Variants in GDPGP1 observed in about 807,000 individuals in gnomAD.
GDPGP1 encodes the protein GDP-D-glucose phosphorylase 1.
In GDPGP1, 18 loss-of-function variants were observed where a neutral mutation model predicts 19.2. The observed-to-expected ratio is 0.94, with a 90% CI of 0.65 to 1.39. The LOEUF is 1.39. Among genes scored for constraint, GDPGP1 ranks in the 40% most tolerant of loss-of-function variants. The pLI, the probability that GDPGP1 is intolerant of heterozygous loss-of-function variation, is 0.00. For missense variants in GDPGP1, 449 were observed against 490.5 expected, an observed-to-expected ratio of 0.92 and a Z score of 0.80; for synonymous variants, 219 against 208.9, an observed-to-expected ratio of 1.05 and a Z score of -0.42.
chr15:90,238,142 A>C (rs1200026701), intron 2 of GDPGP1, among the ~76,000 whole-genome samples: 1 of 152,190 alleles, frequency 6.6e-6, no homozygotes, highest in Non-Finnish European at 1.5e-5. Flanking sequence ...TTTCCTAAAA[A>C]TACAAACATT....
chr15:90,240,369 C>T (rs1855514346), intron 3 of GDPGP1, among the ~76,000 whole-genome samples: 1 of 140,176 alleles, frequency 7.1e-6, no homozygotes, highest in African/African-American at 2.7e-5. Context: ...TTAGCCGGGC[C>T]TGGTGGCGGG....
rs770404210 is a variant in GDPGP1 at position 90,241,625 on chromosome 15, C to G, written c.717C>G (p.Asp239Glu). 1.9e-6 allele frequency: 3 copies of G among 1,614,148 alleles called. No homozygotes were observed. Among genetic ancestry groups the G allele is most frequent in the Non-Finnish European group, 1.7e-6 (2 of 1,180,038 alleles). ...AGCAGGCGCCAAGCGAGCCCCTGGA[C>G]CCTGGAGGCCATTTGCATCTGCTCC... ...PVEQAPSEPLDPGGHLHLLQD... is the reference protein window; with the variant it reads ...PVEQAPSEPLEPGGHLHLLQD... Residue 239 changes from aspartate to glutamate, a missense_variant, in exon 4 of 4, where the codon GAC (aspartate) becomes GAG (glutamate). Physicochemically the swap from Asp to Glu is conservative, Grantham distance 45. Coordinates refer to ENST00000329600, the MANE Select transcript of GDPGP1 (RefSeq NM_001013657.3).
At chr15:90,238,246 G>A (rs561851932) in intron 2 of GDPGP1, among the ~76,000 whole-genome samples, 1 of 152,336 alleles carries the variant, frequency 6.6e-6, no homozygotes, top group African/African-American at 2.4e-5. Flanking sequence ...GTTGCAGTGA[G>A]CCAAGATCGT....
Position 90,241,871 on chromosome 15 carries a change from G to T in GDPGP1, c.963G>T (p.Gly321=). ...VILWARKSSF[G]IKDGEAFNVA... ...TGTGGGCCCGGAAGTCCAGCTTTGG[G>T]ATAAAGGACGGTGAAGCTTTCAATG... Residue 321 remains glycine, a synonymous_variant, in exon 4 of 4, where the codon GGG becomes GGT. Transcript: ENST00000329600. The T allele has an allele frequency of 1.9e-6, 3 of 1,614,164 alleles. No individual in the cohort carries two copies. The highest frequency in any genetic ancestry group is 2.5e-6 in the Non-Finnish European group (3 of 1,180,026).
Position 90,241,668 on chromosome 15 carries a change from G to A in GDPGP1, c.760G>A (p.Gly254Ser). ...TCTGCTCCAGGACCTCCCAGCTCCT[G>A]GCTTCCTCTTTTACACTCGTGGGCC... ...LHLLQDLPAPGFLFYTRGPGP... is the reference protein window; with the variant it reads ...LHLLQDLPAPSFLFYTRGPGP... The change falls in exon 4 of 4, where the codon GGC becomes AGC. Residue 254 changes from glycine (G) to serine (S), a missense_variant. Physicochemically the swap from Gly to Ser is moderately conservative, Grantham distance 56. Coordinates refer to ENST00000329600, the MANE Select transcript of GDPGP1 (RefSeq NM_001013657.3). 2 of 1,614,212 alleles carry A rather than the reference G, an allele frequency of 1.2e-6. No individual in the cohort carries two copies. The highest frequency in any genetic ancestry group is 1.3e-5 in the African/African-American group (1 of 75,052).
chr15:90,241,235 G>A lies in GDPGP1; in HGVS notation c.327G>A (p.Pro109=), dbSNP rs760624201. 2.5e-5 allele frequency: 40 copies of A among 1,613,992 alleles called. No individual in the cohort carries two copies. Among genetic ancestry groups the A allele is most frequent in the East Asian group, 2.5e-4 (11 of 44,892 alleles). Residue 109 remains proline, a synonymous_variant, in exon 4 of 4, where the codon CCG becomes CCA. Coordinates refer to ENST00000329600, the MANE Select transcript of GDPGP1 (RefSeq NM_001013657.3). The stretch of plus-strand genomic sequence containing the variant: ...AGCGTGGTGTGCAGAGGAGGCCCCC[G>A]CAGACCATCAAGAGTGTGAGGCAGG... ...NVERGVQRRP[P]QTIKSVRQAF...
chr15:90,241,556 C>T lies in GDPGP1; in HGVS notation c.648C>T (p.His216=), dbSNP rs760049795. The T allele has an allele frequency of 1.9e-6, 3 of 1,613,276 alleles. No homozygotes were observed. The highest frequency in any genetic ancestry group is 1.1e-5 in the South Asian group (1 of 91,088). ...NSLGGLASVN[H]LHLHGYYLAH... is the part of the protein sequence containing the mutation. Reference sequence around the variant, plus strand: ...TGGGAGGCTTGGCCTCGGTGAACCACCTCCACCTGCATGGCTATTACCTGG... The same window carrying T: ...TGGGAGGCTTGGCCTCGGTGAACCATCTCCACCTGCATGGCTATTACCTGG... The change falls in exon 4 of 4, where the codon CAC becomes CAT. Residue 216 remains histidine, a synonymous_variant. Transcript: ENST00000329600.
rs1596177085 is a variant in GDPGP1 at position 90,238,504 on chromosome 15, C to G, written c.-54C>G. The G allele has an allele frequency of 6.6e-6, 1 of 152,140 alleles. No individual in the cohort carries two copies. The highest frequency in any genetic ancestry group is 1.9e-4 in the East Asian group (1 of 5,194). 9.4% of individuals were successfully genotyped at this position (152,140 alleles called of 1,614,324 possible). A position where few individuals can be genotyped will look rare whatever the true frequency, so the allele number is the denominator to read the frequency against. On this transcript the variant is annotated 5_prime_UTR_variant, in exon 3 of 4. Transcript: ENST00000329600. ...TATTAACATGAAGTTTCTGGAGCAG[C>G]AGAGCTGAAGGAACCCAAACTTGGA... is the stretch of plus-strand genomic sequence containing the variant.
Position 90,243,298 on chromosome 15 carries a change from T to C in GDPGP1, c.*1232T>C, listed in dbSNP as rs1454916563. Reference sequence around the variant, plus strand: ...CTTTCCTCTAGCCCCCAACACCAAGTTGAATGCTCTTCACTGACATCATCT... The same window carrying C: ...CTTTCCTCTAGCCCCCAACACCAAGCTGAATGCTCTTCACTGACATCATCT... On this transcript the variant is annotated 3_prime_UTR_variant, in exon 4 of 4. Coordinates refer to ENST00000329600, the MANE Select transcript of GDPGP1 (RefSeq NM_001013657.3). 1 of 152,254 alleles carries C rather than the reference T, an allele frequency of 6.6e-6. No individual in the cohort carries two copies. 9.4% of individuals were successfully genotyped at this position (152,254 alleles called of 1,614,324 possible).
Position 90,242,069 on chromosome 15 carries a change from C to A in GDPGP1, c.*3C>A. 1 of 1,589,212 alleles carries A rather than the reference C, an allele frequency of 6.3e-7. No homozygotes were observed. The highest frequency in any genetic ancestry group is 8.6e-7 in the Non-Finnish European group (1 of 1,167,438). ...TGATGTCCCAGGAAGAGCAATAATA[C>A]TTCTGGATGTATTTATGTTCTTTTT... On this transcript the variant is annotated 3_prime_UTR_variant, in exon 4 of 4. Transcript: ENST00000329600.
At chr15:90,239,608 A>T (rs1298425098) in intron 3 of GDPGP1, among the ~76,000 whole-genome samples, 1 of 152,176 alleles carries the variant, frequency 6.6e-6, no homozygotes, top group Non-Finnish European at 1.5e-5. Context: ...GACCGCCCCC[A>T]TGATTCATTT....
At chr15:90,235,908 A>G (rs1027587143) in intron 2 of GDPGP1, among the ~76,000 whole-genome samples, 2 of 151,436 alleles carry the variant, frequency 1.3e-5, no homozygotes, top group Non-Finnish European at 3.0e-5. Context: ...CTGTCCGAGA[A>G]AGAGTTAGTC....
rs1165126553 is a variant in GDPGP1 at position 90,243,345 on chromosome 15, C to G, written c.*1279C>G. The G allele has an allele frequency of 6.6e-6, 1 of 151,724 alleles. No homozygotes were observed. The highest frequency in any genetic ancestry group is 2.4e-5 in the African/African-American group (1 of 41,048). The allele number at this position is 151,724 out of a possible 1,614,324, so 9.4% of individuals were successfully genotyped here. ...ATCTGATGTAAAAACACAGTGTTGT[C>G]ACAACTTTCCGGGTGCACGTCTTTT... On this transcript the variant is annotated 3_prime_UTR_variant, in exon 4 of 4. Coordinates refer to ENST00000329600, the MANE Select transcript of GDPGP1 (RefSeq NM_001013657.3).
intron 3 of GDPGP1, among the ~76,000 whole-genome samples, 174 bp from the exon 4 acceptor site, chr15:90,240,726 C>T (rs148329523): frequency 4.1e-4 from 61 of 150,234 alleles, no homozygotes; most frequent in African/African-American, 1.4e-3. Context: ...GGCGGGAGAA[C>T]CGCTTGAACC....
intron 3 of GDPGP1, 53 bp from the exon 4 acceptor site, chr15:90,240,847 A>T (rs748487305): frequency 9.2e-7 from 1 of 1,086,692 alleles, no homozygotes; most frequent in East Asian, 2.4e-5. Context: ...TACAATGACA[A>T]TCTCTGGAGG....
Position 90,245,671 on chromosome 15 carries a change from TG to T in GDPGP1, c.*3606del, listed in dbSNP as rs1962847552. The stretch of plus-strand genomic sequence containing the variant: ...ATGACCATTACAGCAAAGTGGATTT[TG>T]CGTTCAAAGTGATAAGCCAAATATC... On this transcript the variant is annotated 3_prime_UTR_variant, in exon 4 of 4. Transcript: ENST00000329600. The T allele has an allele frequency of 6.6e-6, 1 of 152,138 alleles. No individual in the cohort carries two copies. Among genetic ancestry groups the T allele is most frequent in the Non-Finnish European group, 1.5e-5 (1 of 68,038 alleles). The allele number at this position is 152,138 out of a possible 1,614,324, so 9.4% of individuals were successfully genotyped here. A position where few individuals can be genotyped will look rare whatever the true frequency, so the allele number is the denominator to read the frequency against.
intron 2 of GDPGP1, among the ~76,000 whole-genome samples, chr15:90,236,644 A>C (rs866196515): frequency 5.4e-5 from 8 of 148,164 alleles, no homozygotes; most frequent in Admixed American, 4.0e-4. Context: ...CCTGATTCTC[A>C]TGCCTCAGCC....
At chr15:90,235,459 A>T (rs1316999350) in intron 2 of GDPGP1, among the ~76,000 whole-genome samples, 1 of 152,158 alleles carries the variant, frequency 6.6e-6, no homozygotes, top group Non-Finnish European at 1.5e-5. Context: ...GGTTGCAGTG[A>T]GCGGAGATTG....
intron 3 of GDPGP1, among the ~76,000 whole-genome samples, chr15:90,239,268 TAGAA>T (rs1273220687): frequency 2.0e-5 from 3 of 151,788 alleles, no homozygotes; most frequent in Non-Finnish European, 4.4e-5. Flanking sequence ...ATATAATTTT[TAGAA>T]AGAAAAAATA....
Sources: allele counts gnomAD v4.1 joint callset (sites outside exome capture counted in the v4.1 genomes callset), GRCh38; gene constraint gnomAD v4.1.1; transcripts MANE v1.5; gene names NCBI Gene and HGNC (gene_info 2026-07-23, HGNC 2026-07-21).